The following RAPGEF4 variants were observed in gnomAD, a reference collection of about 807,000 sequenced individuals.
The protein encoded by RAPGEF4 is RAP guanine-nucleotide-exchange factor (GEF) 4.
A neutral mutation model predicts 147.9 loss-of-function variants in RAPGEF4; 66 were observed. That is an observed-to-expected ratio of 0.45 (90% CI 0.37 to 0.55). RAPGEF4 has a LOEUF of 0.55. Ranked by LOEUF, RAPGEF4 falls within the 20% of genes least tolerant of loss-of-function variation. The pLI, the probability that RAPGEF4 is intolerant of heterozygous loss-of-function variation, is 0.00. For synonymous variants in RAPGEF4, 419 were observed against 442.7 expected (o/e 0.95, Z 0.67); for missense variants, 1,071 against 1,257.3 (o/e 0.85, Z 2.24).
intron 1 of RAPGEF4, among the ~76,000 whole-genome samples, chr2:172,750,836 C>CTTGTTTT (rs1268548129): frequency 6.6e-6 from 1 of 152,032 alleles, no homozygotes; most frequent in Non-Finnish European, 1.5e-5. Flanking sequence ...AGTCAGATTA[C>CTTGTTTT]TTGTTTTTTT....
At position 173,032,837 on chromosome 2, in the gene RAPGEF4, C is replaced by A. The variant is rs73017600; in HGVS notation, c.2650-1077C>A. Among the ~76,000 whole-genome samples, 7 of 152,154 alleles carry A rather than the reference C, an allele frequency of 4.6e-5. No homozygotes were observed. The South Asian group carries it at 6.2e-4, about 13-fold the overall frequency. ...AGCCATTCTGTGGATTGCAGAGGCC[C>A]AATTGGTGAATCAACTGTTGAAGGT... On this transcript the variant is annotated intron_variant, in intron 26 of 30. Coordinates refer to ENST00000397081, the MANE Select transcript of RAPGEF4 (RefSeq NM_007023.4).
intron 4 of RAPGEF4, among the ~76,000 whole-genome samples, chr2:172,891,133 A>G (rs1697859103): frequency 6.6e-6 from 1 of 152,194 alleles, no homozygotes; most frequent in African/African-American, 2.4e-5. Flanking sequence ...TTTGTCTTTA[A>G]GGAAAAAAAA....
intron 10 of RAPGEF4, among the ~76,000 whole-genome samples, chr2:172,968,876 C>G (rs1285545988): frequency 1.3e-5 from 2 of 152,192 alleles, no homozygotes; most frequent in Non-Finnish European, 2.9e-5. Context: ...TCTTTCTTGT[C>G]CCCTCTTGTC....
intron 4 of RAPGEF4, chr2:172,821,784 A>T: frequency 1.6e-6 from 2 of 1,230,824 alleles, no homozygotes; most frequent in Non-Finnish European, 2.0e-6. Context: ...TTATTGCCTT[A>T]GACTGCCTGA....
chr2:172,794,263 C>A (rs1197445347), intron 1 of RAPGEF4, among the ~76,000 whole-genome samples: 2 of 146,944 alleles, frequency 1.4e-5, no homozygotes, highest in Admixed American at 1.4e-4. Flanking sequence ...GCTGTATTCG[C>A]TTGAACCCAG....
chr2:172,866,241 A>G (rs2113808), intron 4 of RAPGEF4, among the ~76,000 whole-genome samples: 65,671 of 151,724 alleles, frequency 0.43, 15,386 homozygotes, highest in African/African-American at 0.62. Flanking sequence ...TTCCCTTCCC[A>G]GACACTCCTC....
chr2:172,747,705 C>T (rs188090135), intron 1 of RAPGEF4, among the ~76,000 whole-genome samples: 1 of 152,234 alleles, frequency 6.6e-6, no homozygotes, highest in Non-Finnish European at 1.5e-5. Context: ...TTAAGCAATC[C>T]TCCTACCTTG....
In RAPGEF4 at chr2:173,018,719, C is replaced by T. The variant is rs201085724; in HGVS notation, c.2072C>T (p.Ser691Leu). 8.9e-5 allele frequency: 144 copies of T among 1,613,970 alleles called. No homozygotes were observed. The highest frequency in any genetic ancestry group is 1.6e-4 in the Middle Eastern group (1 of 6,084). The change falls in exon 22 of 31, where the codon TCG (serine) becomes TTG (leucine). Residue 691 changes from serine (S) to leucine (L), a missense_variant. Coordinates refer to ENST00000397081, the MANE Select transcript of RAPGEF4 (RefSeq NM_007023.4). The part of the protein sequence containing the change: ...YTTIRVPVAT[S>L]VKEVISAVAD... Reference sequence around the variant, plus strand: ...ACCATTCGGGTGCCAGTGGCCACTTCGGTGAAGGAAGTCATCAGTGCAGTT... The same window carrying T: ...ACCATTCGGGTGCCAGTGGCCACTTTGGTGAAGGAAGTCATCAGTGCAGTT...
intron 6 of RAPGEF4, among the ~76,000 whole-genome samples, chr2:172,959,088 C>G (rs1689026503): frequency 1.3e-5 from 2 of 152,150 alleles, no homozygotes; most frequent in Non-Finnish European, 2.9e-5. Flanking sequence ...GTAATAATCT[C>G]TACATCAGTT....
intron 4 of RAPGEF4, among the ~76,000 whole-genome samples, chr2:172,829,796 T>A (rs1690090178): frequency 6.7e-6 from 1 of 148,572 alleles, no homozygotes; most frequent in African/African-American, 2.4e-5. Context: ...ATATATATAT[T>A]ATATATAATA....
chr2:172,995,289 GTT>G (rs1491168161), intron 15 of RAPGEF4, among the ~76,000 whole-genome samples: 158 of 118,760 alleles, frequency 1.3e-3, no homozygotes, highest in African/African-American at 4.2e-3. Flanking sequence ...GTGTGTGTGT[GTT>G]TGTATTTTGA....
rs1473962603 is a variant in RAPGEF4, at chr2:172,965,603, A to C, written c.740A>C (p.Gln247Pro). Reference sequence around the variant, plus strand: ...ACTGAACTGGTGGACTGGATGATGCAGCAGACACCATGTGTTCACTCCCGG... The same window carrying C: ...ACTGAACTGGTGGACTGGATGATGCCGCAGACACCATGTGTTCACTCCCGG... The part of the protein sequence containing the change: ...VGTELVDWMM[Q>P]QTPCVHSRTQ... Residue 247 changes from glutamine to proline, a missense_variant, in exon 9 of 31, where the codon CAG becomes CCG. Transcript: ENST00000397081. The C allele has an allele frequency of 6.2e-7, 1 of 1,613,718 alleles. No homozygotes were observed.
chr2:172,985,293 G>T, intron 11 of RAPGEF4, 140 bp from the exon 12 acceptor site: 1 of 1,157,922 alleles, frequency 8.6e-7, no homozygotes, highest in East Asian at 2.4e-5. Context: ...TTTTAGATGA[G>T]AGCAGCAGCA....
chr2:172,913,432 G>A (rs1683673039), intron 4 of RAPGEF4, among the ~76,000 whole-genome samples: 2 of 152,182 alleles, frequency 1.3e-5, no homozygotes. Context: ...GGATGCTGTG[G>A]GGAATAACTT....
intron 29 of RAPGEF4, 43 bp downstream of exon 29, chr2:173,036,735 A>T (rs753753669): frequency 2.1e-6 from 3 of 1,431,970 alleles, no homozygotes; most frequent in Non-Finnish European, 2.9e-6. Flanking sequence ...TGTTTTTAAA[A>T]TAAAATTTGC....
At chr2:172,902,378 C>A (rs1699163812) in intron 4 of RAPGEF4, among the ~76,000 whole-genome samples, 1 of 152,136 alleles carries the variant, frequency 6.6e-6, no homozygotes, top group African/African-American at 2.4e-5. Context: ...CCTCGGCTCA[C>A]TGCAGCCTCG....
chr2:172,997,881 T>A (rs1231646070), intron 16 of RAPGEF4, among the ~76,000 whole-genome samples: 1 of 152,228 alleles, frequency 6.6e-6, no homozygotes, highest in African/African-American at 2.4e-5. Context: ...GAATTCTTAT[T>A]TTATCTTCTC....
chr2:172,873,260 T>C (rs1383012991), intron 4 of RAPGEF4, among the ~76,000 whole-genome samples: 1 of 152,218 alleles, frequency 6.6e-6, no homozygotes, highest in African/African-American at 2.4e-5. Context: ...TTACGTCTTG[T>C]CTGGAAATGT....
intron 18 of RAPGEF4, 58 bp downstream of exon 18, chr2:173,014,672 C>A: frequency 6.5e-7 from 1 of 1,530,354 alleles, no homozygotes; most frequent in East Asian, 2.3e-5. Context: ...CAGGGACCTA[C>A]TTATAGGCTC....
Sources: gnomAD v4.1 joint callset for allele counts (sites outside exome capture counted in the v4.1 genomes callset) on GRCh38, gnomAD v4.1.1 for gene constraint, MANE v1.5 for transcripts, NCBI Gene and HGNC (gene_info 2026-07-23, HGNC 2026-07-21) for gene names.